Variants in LDHC observed in about 807,000 individuals in gnomAD.
LDHC encodes lactate dehydrogenase C, also known as L-lactate dehydrogenase C chain.
Under a neutral mutation model 30.2 loss-of-function variants are expected in LDHC, and 20 were observed. The observed-to-expected ratio is 0.66, with a 90% CI of 0.47 to 0.96. The LOEUF (loss-of-function observed/expected upper bound fraction) is 0.96. LDHC is among the 40% of genes least tolerant of loss of function. LDHC has a pLI of 0.00. For synonymous variants in LDHC, 139 were observed against 132.7 expected (o/e 1.05, Z -0.32); for missense variants, 362 against 394.9 (o/e 0.92, Z 0.71).
At chr11:18,433,992 T>A (rs1051268268) in intron 4 of LDHC, among the ~76,000 whole-genome samples, 7 of 152,192 alleles carry the variant, frequency 4.6e-5, no homozygotes, top group African/African-American at 1.4e-4. Flanking sequence ...GGAGGCTTTG[T>A]TCATATCTTC....
At chr11:18,423,414 A>G (rs1848101844) in intron 3 of LDHC, among the ~76,000 whole-genome samples, 1 of 152,192 alleles carries the variant, frequency 6.6e-6, no homozygotes, top group Middle Eastern at 3.2e-3. Context: ...TTAGGAGACA[A>G]TATAAAAGAT....
rs1467440533 is a variant in LDHC at position 18,439,732 on chromosome 11, T to C, written c.710+1087T>C. Among the ~76,000 whole-genome samples, 16 of 141,260 alleles carry C rather than the reference T, an allele frequency of 1.1e-4. No homozygotes were observed. The Admixed American group carries it at 1.2e-3, about 11-fold the overall frequency. 92.7% of individuals were successfully genotyped at this position (141,260 alleles called of 152,430 possible). On this transcript the variant is annotated intron_variant, in intron 6 of 7. Transcript: ENST00000541669. ...GCTCACGCCTATAATCCCAATACTTTGGGAGGCCAAGGTGGGCAGATCACC... is the reference window on the plus strand; with the variant it reads ...GCTCACGCCTATAATCCCAATACTTCGGGAGGCCAAGGTGGGCAGATCACC...
At chr11:18,412,592 A>T (rs1649119625) in intron 1 of LDHC, 117 bp from the exon 2 acceptor site, 1 of 934,034 alleles carries the variant, frequency 1.1e-6, no homozygotes, top group Non-Finnish European at 1.6e-6. Context: ...TCCTTTGACC[A>T]GGAAATTCTT....
intron 7 of LDHC, among the ~76,000 whole-genome samples, chr11:18,448,424 C>T (rs1346404428): frequency 6.6e-6 from 1 of 152,082 alleles, no homozygotes; most frequent in African/African-American, 2.4e-5. Flanking sequence ...GCTGGGATTA[C>T]AGGCACGTGC....
At chr11:18,421,852 G>A (rs529267177) in intron 3 of LDHC, among the ~76,000 whole-genome samples, 1 of 152,284 alleles carries the variant, frequency 6.6e-6, no homozygotes, top group East Asian at 1.9e-4. Flanking sequence ...GTCTGGGCAT[G>A]GTGGCTCATG....
rs779149240 is a variant in LDHC at position 18,431,532 on chromosome 11, T to TTTTTG, written c.418+1642_418+1646dup. Among the ~76,000 whole-genome samples the TTTTTG allele has an allele frequency of 4.2e-4, 64 of 152,044 alleles. 1 individual carries two copies. The highest frequency in any genetic ancestry group is 1.3e-3 in the African/African-American group (53 of 41,490). On this transcript the variant is annotated intron_variant, in intron 4 of 7. Coordinates refer to ENST00000541669, the MANE Select transcript of LDHC (RefSeq NM_017448.5). The stretch of plus-strand genomic sequence containing the variant: ...AGCCAATCCAATATCATTGTGTGTG[T>TTTTTG]TTTTGTTTTGTTTTGTTTTGTTTTT...
At chr11:18,443,762 T>C (rs534107890) in intron 6 of LDHC, among the ~76,000 whole-genome samples, 1 of 152,176 alleles carries the variant, frequency 6.6e-6, no homozygotes, top group Non-Finnish European at 1.5e-5. Context: ...ACTCGGGCAG[T>C]TCCTTTTTAA....
intron 7 of LDHC, among the ~76,000 whole-genome samples, chr11:18,449,858 C>T (rs776624292): frequency 1.3e-5 from 2 of 152,140 alleles, no homozygotes; most frequent in Non-Finnish European, 2.9e-5. Context: ...AGCTGTGAGG[C>T]ACTGCTCCAG....
intron 3 of LDHC, among the ~76,000 whole-genome samples, chr11:18,429,319 G>A (rs970615558): frequency 2.0e-5 from 3 of 151,842 alleles, no homozygotes; most frequent in Admixed American, 6.6e-5. Context: ...TACCATGTTG[G>A]CCAAGATGGT....
In LDHC at chr11:18,434,868, A is replaced by C. The variant is rs764039083; in HGVS notation, c.547A>C (p.Thr183Pro). 4 of 1,613,630 alleles carry C rather than the reference A, an allele frequency of 2.5e-6. No homozygotes were observed. In the Admixed American group the frequency reaches 6.7e-5, roughly 27 times the overall value. The part of the protein sequence containing the change: ...LIGEKLGVHP[T>P]SCHGWIIGEH... ...TGGAGAAAAGTTGGGTGTCCACCCCACAAGCTGCCATGGTTGGATTATTGG... is the reference window on the plus strand; with the variant it reads ...TGGAGAAAAGTTGGGTGTCCACCCCCCAAGCTGCCATGGTTGGATTATTGG... The change falls in exon 5 of 8, where the codon ACA (threonine) becomes CCA (proline). Residue 183 changes from threonine (T) to proline (P), a missense_variant. Thr to Pro is a conservative substitution (Grantham distance 38). Transcript: ENST00000541669.
chr11:18,451,271 G>A lies in LDHC; in HGVS notation c.*144G>A, dbSNP rs1848651658. The stretch of plus-strand genomic sequence containing the variant: ...ACATAACTCTAGTCTCTCAAGATTA[G>A]AACGAGCAAATGGTAAAGAGATTTT... On this transcript the variant is annotated 3_prime_UTR_variant, in exon 8 of 8. Transcript: ENST00000541669. 2 of 526,538 alleles carry A rather than the reference G, an allele frequency of 3.8e-6. No homozygotes were observed. The highest frequency in any genetic ancestry group is 6.4e-6 in the Non-Finnish European group (2 of 312,632). The allele number at this position is 526,538 out of a possible 1,614,324, so 32.6% of individuals were successfully genotyped here. A position where few individuals can be genotyped will look rare whatever the true frequency, so the allele number is the denominator to read the frequency against.
At chr11:18,428,166 CTT>C (rs35861956) in intron 3 of LDHC, among the ~76,000 whole-genome samples, 84 of 94,818 alleles carry the variant, frequency 8.9e-4, no homozygotes, top group African/African-American at 2.3e-3. Flanking sequence ...CTTTCTCTCT[CTT>C]TTTTTTTTTT....
At chr11:18,430,943 C>T (rs1048735797) in intron 4 of LDHC, among the ~76,000 whole-genome samples, 6 of 152,016 alleles carry the variant, frequency 3.9e-5, no homozygotes, top group African/African-American at 9.6e-5. Flanking sequence ...GCAGAAGGAT[C>T]GCTTGAGCCT....
At chr11:18,416,311 A>C (rs1867022426) in intron 3 of LDHC, among the ~76,000 whole-genome samples, 1 of 152,222 alleles carries the variant, frequency 6.6e-6, no homozygotes, top group South Asian at 2.1e-4. Context: ...ATGAGGCCAT[A>C]GAACATAAGA....
At chr11:18,431,594 G>A (rs1035991520) in intron 4 of LDHC, among the ~76,000 whole-genome samples, 2 of 152,148 alleles carry the variant, frequency 1.3e-5, no homozygotes, top group Admixed American at 1.3e-4. Flanking sequence ...GTCCCAGGCT[G>A]GAGTGCAGTG....
chr11:18,430,340 A>G (rs1374178738), intron 4 of LDHC, among the ~76,000 whole-genome samples: 1 of 151,978 alleles, frequency 6.6e-6, no homozygotes, highest in African/African-American at 2.4e-5. Context: ...TGTGTTTGAT[A>G]TGGGGTCTCA....
intron 7 of LDHC, among the ~76,000 whole-genome samples, chr11:18,449,798 G>A (rs1000391129): frequency 2.6e-5 from 4 of 152,214 alleles, no homozygotes; most frequent in African/African-American, 9.6e-5. Flanking sequence ...CCCAGAGATG[G>A]TGAGAGGGAA....
chr11:18,414,007 G>A (rs1866956675), intron 2 of LDHC, among the ~76,000 whole-genome samples: 1 of 152,274 alleles, frequency 6.6e-6, no homozygotes, highest in African/African-American at 2.4e-5. Context: ...TGTATATCTT[G>A]GTTTAGATTT....
At position 18,412,318 on chromosome 11, in the gene LDHC, G is replaced by C. The variant is rs554883239; in HGVS notation, c.-100G>C. ...CCGAGCGGGGGAACGTGCGTGTCTC[G>C]AGTCGCACGGAGGGCAACCGTCGAC... is the stretch of plus-strand genomic sequence containing the variant. On this transcript the variant is annotated 5_prime_UTR_variant, in exon 1 of 8. Transcript: ENST00000541669. 3 of 161,582 alleles carry C rather than the reference G, an allele frequency of 1.9e-5. No homozygotes were observed. The highest frequency in any genetic ancestry group is 2.7e-5 in the Non-Finnish European group (2 of 73,540). The allele number at this position is 161,582 out of a possible 1,614,324, so 10.0% of individuals were successfully genotyped here.
Sources: allele counts gnomAD v4.1 joint callset (sites outside exome capture counted in the v4.1 genomes callset), GRCh38; gene constraint gnomAD v4.1.1; transcripts MANE v1.5; gene names NCBI Gene and HGNC (gene_info 2026-07-23, HGNC 2026-07-21).